Variants in ABCA13 observed in about 807,000 individuals in gnomAD.
ABCA13 encodes ATP binding cassette subfamily A member 13, also known as ATP-binding cassette sub-family A member 13.
In ABCA13, 476 loss-of-function variants were observed where a neutral mutation model predicts 478.7. The ratio of observed to expected loss-of-function variants is 0.99; its 90% confidence interval spans 0.92 to 1.07. The LOEUF is 1.07. Among genes scored for constraint, ABCA13 ranks in the 50% least tolerant of loss-of-function variants. ABCA13 has a pLI of 0.00. For missense variants in ABCA13, 6,060 were observed against 5,910.6 expected (o/e 1.03, Z -0.83); for synonymous variants, 2,252 against 2,158.9 (o/e 1.04, Z -1.20).
intron 8 of ABCA13, among the ~76,000 whole-genome samples, chr7:48,236,550 G>T (rs1013716600): frequency 1.3e-5 from 2 of 152,132 alleles, no homozygotes; most frequent in African/African-American, 4.8e-5. Flanking sequence ...CACATTCCTT[G>T]GGTCTGAGCC....
chr7:48,532,713 C>T (rs187259961), intron 55 of ABCA13, among the ~76,000 whole-genome samples: 1 of 151,926 alleles, frequency 6.6e-6, no homozygotes, highest in Non-Finnish European at 1.5e-5. Context: ...GTTTCTGTTT[C>T]TTCCTGGTTT....
At chr7:48,420,350 A>G (rs1820578330) in intron 41 of ABCA13, among the ~76,000 whole-genome samples, 1 of 152,194 alleles carries the variant, frequency 6.6e-6, no homozygotes, top group African/African-American at 2.4e-5. Flanking sequence ...GGACCTAAGG[A>G]CAATCCTGGC....
intron 31 of ABCA13, among the ~76,000 whole-genome samples, chr7:48,360,254 G>T (rs962699223): frequency 6.4e-5 from 9 of 140,346 alleles, no homozygotes; most frequent in Non-Finnish European, 1.3e-4. Flanking sequence ...TGTTCTCATT[G>T]TTCAGTTCCC....
intron 15 of ABCA13, among the ~76,000 whole-genome samples, chr7:48,265,694 T>C (rs1794780341): frequency 6.6e-6 from 1 of 151,724 alleles, no homozygotes; most frequent in Non-Finnish European, 1.5e-5. Context: ...AGATTGTCTA[T>C]AAATCATGTT....
chr7:48,403,798 G>A lies in ABCA13; in HGVS notation c.11989G>A (p.Val3997Met), dbSNP rs767265037. ...TGCTTTCATGGGCATGTCGAGGACCGTGGTTCTGGATGAGCCCACCAGTGG... is the reference window on the plus strand; with the variant it reads ...TGCTTTCATGGGCATGTCGAGGACCATGGTTCTGGATGAGCCCACCAGTGG... ...GIAFMGMSRT[V>M]VLDEPTSGVD... The change falls in exon 39 of 62, where the codon GTG becomes ATG. Residue 3997 changes from valine (V) to methionine (M), a missense_variant. Transcript: ENST00000435803. The A allele has an allele frequency of 2.0e-5, 33 of 1,613,794 alleles. No homozygotes were observed. Among genetic ancestry groups the A allele is most frequent in the African/African-American group, 2.0e-4 (15 of 74,906 alleles).
chr7:48,358,094 A>G (rs1338676718), intron 31 of ABCA13, among the ~76,000 whole-genome samples: 1 of 151,042 alleles, frequency 6.6e-6, no homozygotes, highest in Non-Finnish European at 1.5e-5. Flanking sequence ...GTGAGCTGAG[A>G]TTGCACCATT....
intron 10 of ABCA13, among the ~76,000 whole-genome samples, chr7:48,241,289 C>T (rs549532750): frequency 1.2e-4 from 19 of 152,268 alleles, no homozygotes; most frequent in African/African-American, 3.9e-4. Context: ...CGACCGAATA[C>T]GGGAGCAATG....
At chr7:48,330,485 GTCCA>G (rs374882823) in intron 27 of ABCA13, among the ~76,000 whole-genome samples, 2,875 of 134,952 alleles carry the variant, frequency 0.021, 50 homozygotes, top group Middle Eastern at 0.052. Flanking sequence ...CCATCCATCC[GTCCA>G]TCCATCCATC....
At chr7:48,624,059 AGT>A (rs3078326) in intron 59 of ABCA13, among the ~76,000 whole-genome samples, 14,852 of 141,984 alleles carry the variant, frequency 0.1, 835 homozygotes, top group East Asian at 0.22. Flanking sequence ...CACATGATAG[AGT>A]GTGTGTGTGT....
chr7:48,482,967 C>T, intron 46 of ABCA13, 109 bp from the exon 47 acceptor site: 2 of 776,478 alleles, frequency 2.6e-6, no homozygotes, highest in South Asian at 2.2e-5. Flanking sequence ...GCTCAGTTGG[C>T]TACTGTCCTA....
intron 20 of ABCA13, among the ~76,000 whole-genome samples, chr7:48,294,602 G>A (rs991357860): frequency 1.3e-5 from 2 of 151,024 alleles, no homozygotes; most frequent in Non-Finnish European, 1.5e-5. Flanking sequence ...GCCCGCCACC[G>A]CGCCCGGCTA....
chr7:48,223,419 A>AT (rs1787657980), intron 5 of ABCA13, among the ~76,000 whole-genome samples: 1 of 152,170 alleles, frequency 6.6e-6, no homozygotes, highest in Non-Finnish European at 1.5e-5. Flanking sequence ...AAGCACTTGC[A>AT]TTTGAAAAAG....
At chr7:48,594,955 C>A in intron 58 of ABCA13, 142 bp downstream of exon 58, 1 of 722,032 alleles carries the variant, frequency 1.4e-6, no homozygotes, top group Non-Finnish European at 2.3e-6. Flanking sequence ...TATTGTTAGC[C>A]CTCATTGTAT....
chr7:48,219,381 C>T lies in ABCA13; in HGVS notation c.315C>T (p.Asp105=), dbSNP rs1030756795. The T allele has an allele frequency of 1.2e-6, 2 of 1,612,384 alleles. No homozygotes were observed. Among genetic ancestry groups the T allele is most frequent in the Non-Finnish European group, 1.7e-6 (2 of 1,179,438 alleles). ...FRLSRFQTAA[D]PKKVNNLAFL... ...TGTCTAGGTTCCAAACTGCAGCTGA[C>T]CCCAAGAAAGTCAACAACCTGGCCT... Residue 105 remains aspartate (D), a synonymous_variant, in exon 4 of 62, where the codon GAC becomes GAT. Transcript: ENST00000435803.
chr7:48,548,397 GA>G (rs1456546933), intron 55 of ABCA13, among the ~76,000 whole-genome samples: 1 of 151,764 alleles, frequency 6.6e-6, no homozygotes, highest in African/African-American at 2.4e-5. Flanking sequence ...TTCTTTCTCA[GA>G]CATTTAAATA....
intron 35 of ABCA13, 151 bp from the exon 36 acceptor site, chr7:48,387,671 C>A: frequency 2.9e-6 from 2 of 679,184 alleles, no homozygotes; most frequent in Non-Finnish European, 4.5e-6. Context: ...AAACTAATAG[C>A]TGTGCCCTGG....
intron 59 of ABCA13, chr7:48,627,029 G>A (rs1344875969): frequency 2.0e-6 from 2 of 985,290 alleles, no homozygotes; most frequent in Non-Finnish European, 1.2e-6. Context: ...GAAGTAGAGT[G>A]AGCTGAGCTC....
chr7:48,624,919 G>C (rs1002627192), intron 59 of ABCA13, among the ~76,000 whole-genome samples: 1 of 152,086 alleles, frequency 6.6e-6, no homozygotes, highest in Middle Eastern at 3.4e-3. Context: ...AGCTTCAAAT[G>C]ATTTAAAGAA....
Position 48,274,794 on chromosome 7 carries a change from G to T in ABCA13, c.5128G>T (p.Val1710Phe). The T allele has an allele frequency of 6.2e-7, 1 of 1,613,992 alleles. No individual in the cohort carries two copies. Among genetic ancestry groups the T allele is most frequent in the Non-Finnish European group, 8.5e-7 (1 of 1,179,860 alleles). The change falls in exon 17 of 62, where the codon GTT becomes TTT. Residue 1710 changes from valine to phenylalanine, a missense_variant. Around this residue, in one of 3 missense-constraint regions of ABCA13, gnomAD observed 4,423 missense variants for 4,309.1 expected, o/e 1.03. Coordinates refer to ENST00000435803, the MANE Select transcript of ABCA13 (RefSeq NM_152701.5). ...GTGNLVVNLL[V>F]GLMEKFADSS... The stretch of plus-strand genomic sequence containing the variant: ...TGGCAATTTAGTGGTCAATTTGCTT[G>T]TTGGCTTGATGGAAAAATTTGCAGA...
Sources: gnomAD v4.1 joint callset for allele counts (sites outside exome capture counted in the v4.1 genomes callset) on GRCh38, gnomAD v4.1.1 for gene constraint, gnomAD v4.1.1 regional missense constraint, MANE v1.5 for transcripts, NCBI Gene and HGNC (gene_info 2026-07-23, HGNC 2026-07-21) for gene names.